AHSA1: variants seen among roughly 807,000 people sequenced by gnomAD.
AHSA1 encodes activator of 90 kDa heat shock protein ATPase homolog 1.
A neutral mutation model predicts 46.1 loss-of-function variants in AHSA1; 14 were observed. The ratio of observed to expected loss-of-function variants is 0.30; its 90% confidence interval spans 0.20 to 0.47. The LOEUF (loss-of-function observed/expected upper bound fraction) is 0.47, where lower values mean the gene tolerates loss of function less well. AHSA1 is among the 20% of genes least tolerant of loss of function. The pLI is 0.99. For synonymous variants in AHSA1, 147 were observed against 145.8 expected (o/e 1.01, Z -0.06); for missense variants, 333 against 415.9 (o/e 0.80, Z 1.73).
rs926014450 is a variant in AHSA1, at chr14:77,468,444, T to G, written c.793-13T>G. On this transcript the variant is annotated splice_polypyrimidine_tract_variant and intron_variant, in intron 7 of 8. Transcript: ENST00000216479. ...TAGTATATAATATAGACTGAGCTGTTTGATTATTTTAGGTCCCTGAGAAAC... is the reference window on the plus strand; with the variant it reads ...TAGTATATAATATAGACTGAGCTGTGTGATTATTTTAGGTCCCTGAGAAAC... 3.1e-6 allele frequency: 5 copies of G among 1,611,298 alleles called. No individual in the cohort carries two copies. The East Asian group carries it at 1.1e-4, about 36-fold the overall frequency.
At chr14:77,462,864 G>C in intron 4 of AHSA1, 105 bp downstream of exon 4, 4 of 918,024 alleles carry the variant, frequency 4.4e-6, no homozygotes, top group Non-Finnish European at 7.1e-6. Flanking sequence ...GTAAAGATTT[G>C]GGGGGAGGGG....
intron 5 of AHSA1, among the ~76,000 whole-genome samples, 154 bp from the exon 6 acceptor site, chr14:77,465,385 C>G (rs1301689288): frequency 3.9e-5 from 6 of 152,200 alleles, no homozygotes; most frequent in Non-Finnish European, 5.9e-5. Flanking sequence ...GACTGAAACA[C>G]CTACACACTC....
chr14:77,458,691 T>C (rs920684009), intron 1 of AHSA1, among the ~76,000 whole-genome samples: 1 of 152,060 alleles, frequency 6.6e-6, no homozygotes. Context: ...AAATTAAAAG[T>C]CATTCATAGG....
At chr14:77,468,733 T>TTTTTTTTTTTTTTTTC in intron 8 of AHSA1, 1 of 497,726 alleles carries the variant, frequency 2.0e-6, no homozygotes, top group South Asian at 2.9e-5. Context: ...TTTTTTTTTT[T>TTTTTTTTTTTTTTTTC]TTTTTTTTTT....
intron 4 of AHSA1, 131 bp from the exon 5 acceptor site, chr14:77,464,467 A>C (rs2079039459): frequency 1.3e-6 from 1 of 759,836 alleles, no homozygotes; most frequent in Non-Finnish European, 2.2e-6. Context: ...AAAGATGTAA[A>C]AATAGCCTCT....
intron 2 of AHSA1, 83 bp downstream of exon 2, chr14:77,459,889 T>C: frequency 6.7e-7 from 1 of 1,486,246 alleles, no homozygotes; most frequent in Non-Finnish European, 9.4e-7. Context: ...TTTTGAGGAG[T>C]TACAGACCTT....
intron 4 of AHSA1, among the ~76,000 whole-genome samples, chr14:77,464,391 A>C (rs1032716755): frequency 6.6e-6 from 1 of 152,128 alleles, no homozygotes; most frequent in South Asian, 2.1e-4. Flanking sequence ...AAATAATAAT[A>C]ATCCCAGTGA....
At position 77,469,451 on chromosome 14, in the gene AHSA1, A is replaced by C; in HGVS notation, c.*202A>C. On this transcript the variant is annotated 3_prime_UTR_variant, in exon 9 of 9. Transcript: ENST00000216479. ...TTCTCTTTTATGTGTACATATGCTA[A>C]ATAAACATAATTTAAAAAACATGCG... is the stretch of plus-strand genomic sequence containing the variant. The C allele has an allele frequency of 2.0e-6, 1 of 501,508 alleles. No individual in the cohort carries two copies. The highest frequency in any genetic ancestry group is 3.0e-5 in the South Asian group (1 of 33,702). 31.1% of individuals were successfully genotyped at this position (501,508 alleles called of 1,614,324 possible).
At chr14:77,460,219 G>C (rs72683217) in intron 2 of AHSA1, 12,447 of 204,750 alleles carry the variant, frequency 0.061, 490 homozygotes, top group Middle Eastern at 0.089. Flanking sequence ...AATGAAGCTT[G>C]TGTGTGACAG....
At chr14:77,468,923 GTCTGGAACTCCTGACC>G in intron 8 of AHSA1, 138 bp from the exon 9 acceptor site, 1 of 803,052 alleles carries the variant, frequency 1.2e-6, no homozygotes, top group Non-Finnish European at 2.0e-6. Flanking sequence ...AGCCAGGCTG[GTCTGGAACTCCTGACC>G]TCTGGTGATC....
In AHSA1 at chr14:77,469,413, T is replaced by C; in HGVS notation, c.*164T>C. On this transcript the variant is annotated 3_prime_UTR_variant, in exon 9 of 9. Transcript: ENST00000216479. ...TTGTGCATGTTTTCTGCTGGGTGGG[T>C]TCAGAGGGCAATTTCTCTTTTATGT... 1 of 709,678 alleles carries C rather than the reference T, an allele frequency of 1.4e-6. No individual in the cohort carries two copies. Among genetic ancestry groups the C allele is most frequent in the Non-Finnish European group, 2.3e-6 (1 of 438,406 alleles). The allele number at this position is 709,678 out of a possible 1,614,324, so 44.0% of individuals were successfully genotyped here. A position where few individuals can be genotyped will look rare whatever the true frequency, so the allele number is the denominator to read the frequency against.
intron 2 of AHSA1, among the ~76,000 whole-genome samples, chr14:77,460,433 T>C (rs752766889): frequency 2.2e-5 from 3 of 134,738 alleles, no homozygotes; most frequent in Non-Finnish European, 5.0e-5. Flanking sequence ...TTGATAAACA[T>C]TTCCGAAGTG....
intron 6 of AHSA1, among the ~76,000 whole-genome samples, chr14:77,466,931 C>T (rs1359983596): frequency 1.3e-5 from 2 of 152,204 alleles, no homozygotes; most frequent in African/African-American, 4.8e-5. Context: ...CTAAAGTTTT[C>T]AGAGTTTTAA....
Position 77,464,682 on chromosome 14 carries a change from G to A in AHSA1, c.557G>A (p.Arg186His), listed in dbSNP as rs757768035. 24 of 1,613,032 alleles carry A rather than the reference G, an allele frequency of 1.5e-5. No individual in the cohort carries two copies. Among genetic ancestry groups the A allele is most frequent in the Non-Finnish European group, 1.4e-5 (17 of 1,179,788 alleles). ...CAGCCAGCACTGAAAACTGAGGAGC[G>A]CAAGGTAAATGGTTTTCCTGGGGTG... is the stretch of plus-strand genomic sequence containing the variant. Reference protein sequence around the residue: ...VGQPALKTEERKAKPAPSKTQ... With the variant: ...VGQPALKTEEHKAKPAPSKTQ... Residue 186 changes from arginine to histidine, a missense_variant, in exon 5 of 9, where the codon CGC becomes CAC. Arg to His is a conservative substitution (Grantham distance 29). Coordinates refer to ENST00000216479, the MANE Select transcript of AHSA1 (RefSeq NM_012111.3).
At chr14:77,462,507 G>A in intron 3 of AHSA1, 135 bp from the exon 4 acceptor site, 2 of 856,738 alleles carry the variant, frequency 2.3e-6, no homozygotes, top group Admixed American at 1.9e-5. Flanking sequence ...AACACTAATG[G>A]GGATTGTACG....
intron 8 of AHSA1, chr14:77,468,741 T>TA: frequency 4.4e-6 from 2 of 457,152 alleles, no homozygotes; most frequent in South Asian, 3.2e-5. Context: ...TTTTTTTTTT[T>TA]TTTTACTTTT....
chr14:77,465,714 G>A, intron 6 of AHSA1, 47 bp downstream of exon 6: 3 of 1,602,334 alleles, frequency 1.9e-6, no homozygotes, highest in Non-Finnish European at 1.7e-6. Context: ...GCCCTTCTAG[G>A]TGACTTGAGT....
intron 2 of AHSA1, among the ~76,000 whole-genome samples, chr14:77,461,603 C>T (rs2079025342): frequency 6.6e-6 from 1 of 152,116 alleles, no homozygotes; most frequent in African/African-American, 2.4e-5. Context: ...GAGAGTCATC[C>T]ACAATCAGAG....
intron 6 of AHSA1, among the ~76,000 whole-genome samples, chr14:77,467,202 C>T (rs2079051081): frequency 6.6e-6 from 1 of 152,050 alleles, no homozygotes; most frequent in Non-Finnish European, 1.5e-5. Flanking sequence ...AGTTTGAGAC[C>T]AGCCTGGCCA....
Sources: allele counts gnomAD v4.1 joint callset (sites outside exome capture counted in the v4.1 genomes callset), GRCh38; gene constraint gnomAD v4.1.1; transcripts MANE v1.5; gene names NCBI Gene and HGNC (gene_info 2026-07-23, HGNC 2026-07-21).